Variants in ZNF621 observed in about 807,000 individuals in gnomAD.
The protein encoded by ZNF621 is zinc finger protein 621.
Under a neutral mutation model 12.7 loss-of-function variants are expected in ZNF621, and 6 were observed. The observed-to-expected ratio is 0.47, with a 90% confidence interval of 0.26 to 0.93. ZNF621 has a LOEUF of 0.93. Among genes scored for constraint, ZNF621 ranks in the 40% least tolerant of loss-of-function variants. The pLI, the probability that ZNF621 is intolerant of heterozygous loss-of-function variation, is 0.15. For missense variants in ZNF621, 474 were observed against 524.0 expected (o/e 0.90, Z 0.93); for synonymous variants, 156 against 190.3 (o/e 0.82, Z 1.48).
At chr3:40,523,989 T>C (rs993525096), upstream of ZNF621, among the ~76,000 whole-genome samples, 1 of 152,182 alleles carries the variant, frequency 6.6e-6, no homozygotes, top group African/African-American at 2.4e-5. Flanking sequence ...TGTGTACTGG[T>C]TGATTTTCAG....
Position 40,537,919 on chromosome 3 carries a change from C to T in ZNF621, c.*4829C>T, listed in dbSNP as rs537346842. Among the ~76,000 whole-genome samples, 1 of 152,314 alleles carries T rather than the reference C, an allele frequency of 6.6e-6. No homozygotes were observed. Among genetic ancestry groups the T allele is most frequent in the East Asian group, 1.9e-4 (1 of 5,180 alleles). On this transcript the variant is annotated 3_prime_UTR_variant, in exon 5 of 5. Transcript: ENST00000339296. Reference sequence around the variant, plus strand: ...GAGATTTTCAGTGTATTCCAAACAGCCTTCTTTTGGAAGAAGAAACCATCT... The same window carrying T: ...GAGATTTTCAGTGTATTCCAAACAGTCTTCTTTTGGAAGAAGAAACCATCT...
chr3:40,538,344 C>G lies in ZNF621; in HGVS notation c.*5254C>G, dbSNP rs1206208967. The G allele has an allele frequency of 3.8e-6, 1 of 263,780 alleles. No individual in the cohort carries two copies. The highest frequency in any genetic ancestry group is 7.6e-6 in the Non-Finnish European group (1 of 130,936). 16.3% of individuals were successfully genotyped at this position (263,780 alleles called of 1,614,324 possible). On this transcript the variant is annotated 3_prime_UTR_variant, in exon 5 of 5. Coordinates refer to ENST00000339296, the MANE Select transcript of ZNF621 (RefSeq NM_198484.5). The stretch of plus-strand genomic sequence containing the variant: ...CCTGACCAACATGGAGAAACCCTAT[C>G]TCTACTAAAAATACAAAAATTAGCT...
intron 2 of ZNF621, among the ~76,000 whole-genome samples, chr3:40,527,930 AAC>A (rs562377865): frequency 3.0e-4 from 45 of 152,338 alleles, no homozygotes; most frequent in Admixed American, 7.2e-4. Flanking sequence ...GCCACCACAA[AAC>A]ACACAACCTT....
intron 3 of ZNF621, 166 bp downstream of exon 3, chr3:40,529,611 G>T: frequency 2.0e-6 from 3 of 1,499,234 alleles, no homozygotes; most frequent in Non-Finnish European, 2.7e-6. Context: ...TTTTTTGTTT[G>T]TTTGTTTGTT....
In ZNF621 at chr3:40,538,275, G is replaced by A; in HGVS notation, c.*5185G>A. Reference sequence around the variant, plus strand: ...CACTTGTAATCCCAACACTTTGGGAGGCCAAGGCAGGTGGATCAGTTGAGG... The same window carrying A: ...CACTTGTAATCCCAACACTTTGGGAAGCCAAGGCAGGTGGATCAGTTGAGG... On this transcript the variant is annotated 3_prime_UTR_variant, in exon 5 of 5. Transcript: ENST00000339296. 1 of 399,556 alleles carries A rather than the reference G, an allele frequency of 2.5e-6. No individual in the cohort carries two copies. Among genetic ancestry groups the A allele is most frequent in the South Asian group, 1.8e-5 (1 of 56,198 alleles). 24.8% of individuals were successfully genotyped at this position (399,556 alleles called of 1,614,324 possible). A position where few individuals can be genotyped will look rare whatever the true frequency, so the allele number is the denominator to read the frequency against.
rs1261078621 is a variant in ZNF621, at chr3:40,535,808, G to C, written c.*2718G>C. 6.6e-6 allele frequency: 1 copy of C among 152,114 alleles called. No individual in the cohort carries two copies. Among genetic ancestry groups the C allele is most frequent in the African/African-American group, 2.4e-5 (1 of 41,396 alleles). 9.4% of individuals were successfully genotyped at this position (152,114 alleles called of 1,614,324 possible). A position where few individuals can be genotyped will look rare whatever the true frequency, so the allele number is the denominator to read the frequency against. The stretch of plus-strand genomic sequence containing the variant: ...CAGATACCCATTATAGGCATTGAAG[G>C]TTACCTAAATGACAGAAGGATGCAC... On this transcript the variant is annotated 3_prime_UTR_variant, in exon 5 of 5. Coordinates refer to ENST00000339296, the MANE Select transcript of ZNF621 (RefSeq NM_198484.5).
chr3:40,536,129 T>C lies in ZNF621; in HGVS notation c.*3039T>C, dbSNP rs759757061. On this transcript the variant is annotated 3_prime_UTR_variant, in exon 5 of 5. Transcript: ENST00000339296. The stretch of plus-strand genomic sequence containing the variant: ...TATTTTTTAAGATGGAATCTTGCTC[T>C]GTTGCTCAGGCTGGAGTGCAGTGGT... The C allele has an allele frequency of 2.0e-5, 3 of 152,246 alleles. No individual in the cohort carries two copies. The highest frequency in any genetic ancestry group is 2.9e-5 in the Non-Finnish European group (2 of 68,050). The allele number at this position is 152,246 out of a possible 1,614,324, so 9.4% of individuals were successfully genotyped here. A position where few individuals can be genotyped will look rare whatever the true frequency, so the allele number is the denominator to read the frequency against.
In ZNF621 at chr3:40,536,957, T is replaced by C. The variant is rs185866569; in HGVS notation, c.*3867T>C. On this transcript the variant is annotated 3_prime_UTR_variant, in exon 5 of 5. Coordinates refer to ENST00000339296, the MANE Select transcript of ZNF621 (RefSeq NM_198484.5). ...TTTGGGGTGCCACAGACTGCATCCA[T>C]CTAAGACAGTGAGCTTAGTTGATGT... is the stretch of plus-strand genomic sequence containing the variant. The C allele has an allele frequency of 6.6e-6, 1 of 152,308 alleles. No individual in the cohort carries two copies. Among genetic ancestry groups the C allele is most frequent in the East Asian group, 1.9e-4 (1 of 5,188 alleles). The allele number at this position is 152,308 out of a possible 1,614,324, so 9.4% of individuals were successfully genotyped here.
chr3:40,527,675 A>G (rs1698618491), intron 2 of ZNF621, among the ~76,000 whole-genome samples: 3 of 152,234 alleles, frequency 2.0e-5, no homozygotes, highest in Admixed American at 2.0e-4. Context: ...ACATGTATAT[A>G]CAAGTTCTGA....
In ZNF621 at chr3:40,535,238, TCAC is replaced by T. The variant is rs1698839655; in HGVS notation, c.*2153_*2155del. 6.6e-6 allele frequency: 1 copy of T among 152,244 alleles called. No individual in the cohort carries two copies. Among genetic ancestry groups the T allele is most frequent in the Middle Eastern group, 3.2e-3 (1 of 316 alleles). 9.4% of individuals were successfully genotyped at this position (152,244 alleles called of 1,614,324 possible). A position where few individuals can be genotyped will look rare whatever the true frequency, so the allele number is the denominator to read the frequency against. Reference sequence around the variant, plus strand: ...TTTTCACCTTGCCGTATCTGATTCTTCACCACCGTATTCTCAGTCACTTCCACT... The same window carrying T: ...TTTTCACCTTGCCGTATCTGATTCTTCACCGTATTCTCAGTCACTTCCACT... On this transcript the variant is annotated 3_prime_UTR_variant, in exon 5 of 5. Transcript: ENST00000339296.
At position 40,530,692 on chromosome 3, in the gene ZNF621, T is replaced by C. The variant is rs1698704264; in HGVS notation, c.259+376T>C. Among the ~76,000 whole-genome samples, 3 of 152,246 alleles carry C rather than the reference T, an allele frequency of 2.0e-5. No individual in the cohort carries two copies. In the South Asian group the frequency reaches 6.2e-4, roughly 31 times the overall value. ...ATTTTTTGGGGCCAAACTGATTTATTTGTGCTATAGCTATAAATTTTACTT... is the reference window on the plus strand; with the variant it reads ...ATTTTTTGGGGCCAAACTGATTTATCTGTGCTATAGCTATAAATTTTACTT... On this transcript the variant is annotated intron_variant, in intron 4 of 4. Coordinates refer to ENST00000339296, the MANE Select transcript of ZNF621 (RefSeq NM_198484.5).
rs1049632609 is a variant in ZNF621 at position 40,539,360 on chromosome 3, G to T, written c.*6270G>T. The T allele has an allele frequency of 6.6e-6, 1 of 152,190 alleles. No homozygotes were observed. The highest frequency in any genetic ancestry group is 6.5e-5 in the Admixed American group (1 of 15,276). The allele number at this position is 152,190 out of a possible 1,614,324, so 9.4% of individuals were successfully genotyped here. A position where few individuals can be genotyped will look rare whatever the true frequency, so the allele number is the denominator to read the frequency against. On this transcript the variant is annotated 3_prime_UTR_variant, in exon 5 of 5. Transcript: ENST00000339296. ...TCATTCAGCAGCCATCAACAGTGAG[G>T]CAAGACTGTCTTCCAGCAACAAAGA...
chr3:40,524,542 G>A (rs925043571), upstream of ZNF621, among the ~76,000 whole-genome samples: 1 of 152,212 alleles, frequency 6.6e-6, no homozygotes, highest in Non-Finnish European at 1.5e-5. Context: ...CTGCCCAGCT[G>A]AGGACCCAAG....
chr3:40,530,493 A>T (rs1228653017), intron 4 of ZNF621, among the ~76,000 whole-genome samples, 177 bp downstream of exon 4: 2 of 152,194 alleles, frequency 1.3e-5, no homozygotes, highest in Admixed American at 1.3e-4. Context: ...CACCTCTGGG[A>T]GTACATGGCC....
rs1559562307 is a variant in ZNF621, at chr3:40,537,399, C to CTTG, written c.*4309_*4310insTTG. On this transcript the variant is annotated 3_prime_UTR_variant, in exon 5 of 5. Coordinates refer to ENST00000339296, the MANE Select transcript of ZNF621 (RefSeq NM_198484.5). ...GGAGGATCCCCTGAAGCCAGGAGTC[C>CTTG]GAGACCAGCTTGGGCCACAAAGTGA... 1 of 152,166 alleles carries CTTG rather than the reference C, an allele frequency of 6.6e-6. No individual in the cohort carries two copies. The highest frequency in any genetic ancestry group is 6.5e-5 in the Admixed American group (1 of 15,276). The allele number at this position is 152,166 out of a possible 1,614,324, so 9.4% of individuals were successfully genotyped here.
chr3:40,533,229 C>G lies in ZNF621; in HGVS notation c.*139C>G. 7.3e-7 allele frequency: 1 copy of G among 1,368,518 alleles called. No homozygotes were observed. Among genetic ancestry groups the G allele is most frequent in the East Asian group, 2.5e-5 (1 of 39,708 alleles). The allele number at this position is 1,368,518 out of a possible 1,614,324, so 84.8% of individuals were successfully genotyped here. A position where few individuals can be genotyped will look rare whatever the true frequency, so the allele number is the denominator to read the frequency against. ...GATCTTGGCTCACTGCAACCTCCCCCTCCTGGGTTCAAGCGATTCTCCTCC... is the reference window on the plus strand; with the variant it reads ...GATCTTGGCTCACTGCAACCTCCCCGTCCTGGGTTCAAGCGATTCTCCTCC... On this transcript the variant is annotated 3_prime_UTR_variant, in exon 5 of 5. Coordinates refer to ENST00000339296, the MANE Select transcript of ZNF621 (RefSeq NM_198484.5).
intron 2 of ZNF621, among the ~76,000 whole-genome samples, chr3:40,527,472 C>T (rs934430048): frequency 6.6e-6 from 1 of 152,174 alleles, no homozygotes; most frequent in African/African-American, 2.4e-5. Flanking sequence ...GCTGGGATTA[C>T]AGGTGCACAC....
intron 4 of ZNF621, among the ~76,000 whole-genome samples, chr3:40,530,806 C>A (rs1222505119): frequency 2.0e-5 from 3 of 152,108 alleles, no homozygotes; most frequent in African/African-American, 4.8e-5. Context: ...ATCTTTAGAT[C>A]TACATTATAT....
Position 40,533,416 on chromosome 3 carries a change from C to G in ZNF621, c.*326C>G. On this transcript the variant is annotated 3_prime_UTR_variant, in exon 5 of 5. Coordinates refer to ENST00000339296, the MANE Select transcript of ZNF621 (RefSeq NM_198484.5). The stretch of plus-strand genomic sequence containing the variant: ...TTGGCCCCCCAAAGTGCTGGGATTA[C>G]AGGAGTGAGCCACTGTGCCCAGCCT... The G allele has an allele frequency of 3.5e-6, 1 of 284,542 alleles. No individual in the cohort carries two copies. The highest frequency in any genetic ancestry group is 6.6e-6 in the Non-Finnish European group (1 of 150,742). 17.6% of individuals were successfully genotyped at this position (284,542 alleles called of 1,614,324 possible). A position where few individuals can be genotyped will look rare whatever the true frequency, so the allele number is the denominator to read the frequency against.
Sources: allele counts gnomAD v4.1 joint callset (sites outside exome capture counted in the v4.1 genomes callset), GRCh38; gene constraint gnomAD v4.1.1; transcripts MANE v1.5; gene names NCBI Gene and HGNC (gene_info 2026-07-23, HGNC 2026-07-21).